The following RBL1 variants were observed in gnomAD, a reference collection of about 807,000 sequenced individuals.
RBL1 encodes retinoblastoma-like protein 1.
In RBL1, 82 loss-of-function variants were observed where a neutral mutation model predicts 123.0. That is an observed-to-expected ratio of 0.67 (90% CI 0.56 to 0.80). RBL1 has a LOEUF of 0.80. Ranked by LOEUF, RBL1 falls within the 30% of genes least tolerant of loss-of-function variation. RBL1 has a pLI of 0.00. For missense variants in RBL1, 1,171 were observed against 1,299.6 expected (o/e 0.90, Z 1.52); for synonymous variants, 405 against 441.3 (o/e 0.92, Z 1.03).
chr20:37,000,940 G>A (rs1440381711), intron 21 of RBL1, among the ~76,000 whole-genome samples: 1 of 145,984 alleles, frequency 6.9e-6, no homozygotes, highest in East Asian at 2.1e-4. Flanking sequence ...CATCCGGGAG[G>A]TGAGGGGCGC....
chr20:37,035,887 T>G (rs2146253670), intron 14 of RBL1, among the ~76,000 whole-genome samples: 1 of 152,266 alleles, frequency 6.6e-6, no homozygotes, highest in South Asian at 2.1e-4. Context: ...AAAGCAAAAA[T>G]CAGGAATTTG....
At chr20:37,039,098 T>G (rs563928991) in intron 14 of RBL1, among the ~76,000 whole-genome samples, 128 of 152,252 alleles carry the variant, frequency 8.4e-4, no homozygotes, top group African/African-American at 2.9e-3. Context: ...AAGCGCTATA[T>G]AATCCACAAG....
chr20:37,007,592 GC>G, intron 19 of RBL1, 33 bp from the exon 20 acceptor site: 1 of 1,601,710 alleles, frequency 6.2e-7, no homozygotes, highest in Non-Finnish European at 8.5e-7. Context: ...GTGATACAAA[GC>G]ATACTTTTTA....
Position 37,020,717 on chromosome 20 carries a change from T to C in RBL1, c.2573A>G (p.Glu858Gly). 1 of 1,581,690 alleles carries C rather than the reference T, an allele frequency of 6.3e-7. No individual in the cohort carries two copies. The highest frequency in any genetic ancestry group is 8.6e-7 in the Non-Finnish European group (1 of 1,159,496). ...FYIMAKVTKE[E>G]RTFQEIMKSY... The stretch of plus-strand genomic sequence containing the variant: ...TTTCATAATTTCTTGAAAAGTTCTT[T>C]CTTCTTTTGTTACCTAAGGAAAATA... Residue 858 changes from glutamate (E) to glycine (G), a missense_variant, in exon 18 of 22, where the codon GAA (glutamate) becomes GGA (glycine). By Grantham distance (98) the Glu-to-Gly change is moderately conservative. Coordinates refer to ENST00000373664, the MANE Select transcript of RBL1 (RefSeq NM_002895.5).
chr20:37,045,984 C>T (rs552100230), intron 12 of RBL1, among the ~76,000 whole-genome samples: 7 of 152,274 alleles, frequency 4.6e-5, no homozygotes, highest in African/African-American at 9.6e-5. Flanking sequence ...TAACATTAAA[C>T]GTTATTGACT....
intron 11 of RBL1, 30 bp downstream of exon 11, chr20:37,055,523 G>C: frequency 1.2e-6 from 2 of 1,613,486 alleles, no homozygotes; most frequent in Non-Finnish European, 1.7e-6. Flanking sequence ...TTTGGACCTT[G>C]CCAGTAGCTC....
At chr20:37,095,464 C>A (rs1568902561) in intron 1 of RBL1, among the ~76,000 whole-genome samples, 1 of 152,198 alleles carries the variant, frequency 6.6e-6, no homozygotes, top group Admixed American at 6.5e-5. Context: ...TATATTTGTT[C>A]TTACTGATTT....
chr20:37,047,211 C>T, intron 11 of RBL1, 21 bp from the exon 12 acceptor site: 1 of 1,569,608 alleles, frequency 6.4e-7, no homozygotes, highest in East Asian at 2.3e-5. Flanking sequence ...AGAAAGACCA[C>T]AGTTTAATAT....
At position 37,015,534 on chromosome 20, in the gene RBL1, C is replaced by A. The variant is rs145955673; in HGVS notation, c.2722+2745G>T. On this transcript the variant is annotated intron_variant, in intron 19 of 21. Coordinates refer to ENST00000373664, the MANE Select transcript of RBL1 (RefSeq NM_002895.5). ...CAAGCTCCACCTCCTGGGCTCATGC[C>A]CTTCTCCTACCTCAGCCTCTGGAGC... is the stretch of plus-strand genomic sequence containing the variant. Among the ~76,000 whole-genome samples the A allele has an allele frequency of 5.0e-4, 76 of 151,666 alleles. No individual in the cohort carries two copies. The East Asian group carries it at 6.2e-3, about 12-fold the overall frequency.
At chr20:36,999,457 C>T (rs2063928117) in intron 21 of RBL1, among the ~76,000 whole-genome samples, 1 of 148,234 alleles carries the variant, frequency 6.7e-6, no homozygotes. Context: ...CCTCTCCCTC[C>T]CTCCTCTCCC....
At chr20:37,043,208 G>A (rs974126248) in intron 13 of RBL1, among the ~76,000 whole-genome samples, 29 of 151,534 alleles carry the variant, frequency 1.9e-4, no homozygotes, top group African/African-American at 4.8e-4. Context: ...GTGGCCAGGC[G>A]CGGTGGCTCA....
intron 12 of RBL1, among the ~76,000 whole-genome samples, chr20:37,045,913 T>C (rs1436566808): frequency 6.6e-6 from 1 of 152,212 alleles, no homozygotes; most frequent in Non-Finnish European, 1.5e-5. Context: ...GATGACTAAA[T>C]ATTAACTAAA....
intron 1 of RBL1, among the ~76,000 whole-genome samples, chr20:37,094,814 T>G (rs1045055239): frequency 2.6e-5 from 4 of 152,324 alleles, no homozygotes; most frequent in Admixed American, 2.6e-4. Context: ...TTTTGTATTT[T>G]TTTAGTAGAG....
chr20:37,055,785 A>G (rs954166737), intron 10 of RBL1, 129 bp from the exon 11 acceptor site: 1 of 939,914 alleles, frequency 1.1e-6, no homozygotes, highest in African/African-American at 1.7e-5. Context: ...ATGGTGGCTC[A>G]CGCCTGTAAT....
chr20:37,003,437 C>T (rs1427677230), intron 21 of RBL1: 3 of 499,904 alleles, frequency 6.0e-6, no homozygotes, highest in Non-Finnish European at 8.3e-6. Flanking sequence ...TGTTGCCTTA[C>T]TGGTCCCTTC....
intron 13 of RBL1, among the ~76,000 whole-genome samples, chr20:37,041,016 T>C (rs561612319): frequency 6.6e-6 from 1 of 152,168 alleles, no homozygotes. Context: ...TGATGAATAC[T>C]GAAGAGTGGC....
chr20:37,003,293 G>A (rs972917681), intron 21 of RBL1, among the ~76,000 whole-genome samples: 1 of 152,136 alleles, frequency 6.6e-6, no homozygotes, highest in Non-Finnish European at 1.5e-5. Context: ...GATGATCACA[G>A]AGTTGTCTAT....
intron 21 of RBL1, chr20:37,003,447 C>G: frequency 1.6e-6 from 1 of 630,176 alleles, no homozygotes; most frequent in Non-Finnish European, 2.1e-6. Flanking sequence ...CTGGTCCCTT[C>G]TCAAGATCTT....
At chr20:37,007,651 G>T (rs1398020173) in intron 19 of RBL1, 92 bp from the exon 20 acceptor site, 2 of 1,328,608 alleles carry the variant, frequency 1.5e-6, no homozygotes, top group East Asian at 2.4e-5. Context: ...GGAGTGCAGT[G>T]GTGCAATCTT....
Sources: allele counts gnomAD v4.1 joint callset (sites outside exome capture counted in the v4.1 genomes callset), GRCh38; gene constraint gnomAD v4.1.1; transcripts MANE v1.5; gene names NCBI Gene and HGNC (gene_info 2026-07-23, HGNC 2026-07-21).